The following GLIS1 variants were observed in gnomAD, a reference collection of about 807,000 sequenced individuals.
The protein encoded by GLIS1 is GLIS family zinc finger 1, also known as zinc finger protein GLIS1.
A neutral mutation model predicts 63.8 loss-of-function variants in GLIS1; 24 were observed. The ratio of observed to expected loss-of-function variants is 0.38; its 90% CI spans 0.27 to 0.53. GLIS1 has a LOEUF of 0.53. Ranked by LOEUF, GLIS1 falls within the 20% of genes least tolerant of loss-of-function variation. GLIS1 has a pLI of 0.85. For synonymous variants in GLIS1, 450 were observed against 482.5 expected (o/e 0.93, Z 0.88); for missense variants, 1,036 against 1,074.1 (o/e 0.96, Z 0.50).
At chr1:53,649,353 A>G (rs1370479510) in intron 2 of GLIS1, among the ~76,000 whole-genome samples, 1 of 152,242 alleles carries the variant, frequency 6.6e-6, no homozygotes, top group African/African-American at 2.4e-5. Flanking sequence ...CAGCTATGTC[A>G]TAGCCACCTC....
chr1:53,514,486 G>A, intron 8 of GLIS1, 139 bp downstream of exon 8: 3 of 806,002 alleles, frequency 3.7e-6, no homozygotes, highest in East Asian at 5.5e-5. Flanking sequence ...AATGCAGTCT[G>A]CAGTCAGTGT....
Position 53,560,611 on chromosome 1 carries a change from C to T in GLIS1, c.1321-30659G>A, listed in dbSNP as rs1306790706. ...ACAGGCCCCTATTTGGCTGGTGGAC[C>T]CCAGGTCCTGTTGGCATCACTGGCT... On this transcript the variant is annotated intron_variant, in intron 4 of 10. Transcript: ENST00000628545. This position sits in a 1 kb window ranked among gnomAD's most constrained non-coding sequence, Gnocchi z 4.4. Among the ~76,000 whole-genome samples, 1 of 152,306 alleles carries T rather than the reference C, an allele frequency of 6.6e-6. No homozygotes were observed. Among genetic ancestry groups the T allele is most frequent in the East Asian group, 1.9e-4 (1 of 5,190 alleles).
At chr1:53,523,330 C>A (rs985265996) in intron 6 of GLIS1, among the ~76,000 whole-genome samples, 1 of 152,084 alleles carries the variant, frequency 6.6e-6, no homozygotes, top group African/African-American at 2.4e-5. Flanking sequence ...CCAAGCCTGG[C>A]GGTCCCCTCC....
intron 10 of GLIS1, 63 bp from the exon 11 acceptor site, chr1:53,506,839 C>T: frequency 1.3e-6 from 2 of 1,511,452 alleles, no homozygotes; most frequent in Non-Finnish European, 1.8e-6. Flanking sequence ...CGCATGCTTC[C>T]CAGTTCCAGG....
At chr1:53,604,949 TATATATACACAC>T (rs1159982560) in intron 2 of GLIS1, among the ~76,000 whole-genome samples, 67 of 66,362 alleles carry the variant, frequency 1.0e-3, no homozygotes, top group South Asian at 4.8e-3. Flanking sequence ...TATACATATA[TATATATACACAC>T]ACACACACAC....
chr1:53,513,456 G>C (rs1385553876), intron 8 of GLIS1, among the ~76,000 whole-genome samples: 1 of 152,136 alleles, frequency 6.6e-6, no homozygotes, highest in East Asian at 1.9e-4. Flanking sequence ...ATGTTTCCCA[G>C]AACACCCCAA....
chr1:53,507,701 A>C (rs541807619), intron 10 of GLIS1, among the ~76,000 whole-genome samples: 1 of 152,070 alleles, frequency 6.6e-6, no homozygotes, highest in African/African-American at 2.4e-5. Context: ...AAGGCAGCTG[A>C]GCGGGCCTGG....
intron 2 of GLIS1, among the ~76,000 whole-genome samples, chr1:53,620,215 C>T (rs983398448): frequency 6.6e-6 from 1 of 152,216 alleles, no homozygotes; most frequent in African/African-American, 2.4e-5. Flanking sequence ...CAGCACTTCA[C>T]GTTTACACAG....
chr1:53,527,918 GT>G (rs1323646018), intron 5 of GLIS1, among the ~76,000 whole-genome samples: 3 of 152,354 alleles, frequency 2.0e-5, no homozygotes, highest in African/African-American at 7.2e-5. Flanking sequence ...CACACACCAA[GT>G]GGGGGCCAGA....
chr1:53,509,192 C>A lies in GLIS1; in HGVS notation c.2158G>T (p.Gly720Trp). 1.9e-6 allele frequency: 3 copies of A among 1,600,112 alleles called. No homozygotes were observed. The highest frequency in any genetic ancestry group is 2.6e-6 in the Non-Finnish European group (3 of 1,174,032). Residue 720 changes from glycine to tryptophan, a missense_variant, in exon 10 of 11, where the codon GGG becomes TGG. By Grantham distance (184) the Gly-to-Trp change is radical. Transcript: ENST00000628545. ...EPAAGGDGLVGETHGFNPLRP... is the reference protein window; with the variant it reads ...EPAAGGDGLVWETHGFNPLRP... Reference sequence around the variant, plus strand: ...AGGGGGTTGAAACCGTGGGTCTCCCCGACCAGTCCGTCCCCACCGGCTGCT... The same window carrying A: ...AGGGGGTTGAAACCGTGGGTCTCCCAGACCAGTCCGTCCCCACCGGCTGCT...
chr1:53,613,184 T>G (rs796526237), intron 2 of GLIS1, among the ~76,000 whole-genome samples: 4 of 152,346 alleles, frequency 2.6e-5, no homozygotes, highest in African/African-American at 9.6e-5. Context: ...ACAAGCTAAT[T>G]TGCTATAGCA....
At chr1:53,562,965 G>A (rs553324717) in intron 4 of GLIS1, among the ~76,000 whole-genome samples, 65 of 152,230 alleles carry the variant, frequency 4.3e-4, no homozygotes, top group Non-Finnish European at 7.3e-4. Context: ...TGAGGAAACG[G>A]AGGTTGTGCT....
At chr1:53,721,198 T>G (rs1646750693) in intron 2 of GLIS1, among the ~76,000 whole-genome samples, 1 of 152,056 alleles carries the variant, frequency 6.6e-6, no homozygotes, top group Admixed American at 6.6e-5. Flanking sequence ...AGGAAGCCAG[T>G]AGACAGTAAG....
intron 2 of GLIS1, among the ~76,000 whole-genome samples, chr1:53,732,509 T>C (rs1646872991): frequency 6.6e-6 from 1 of 151,990 alleles, no homozygotes. Flanking sequence ...ATTTGGGCAG[T>C]GGCTGCTGAT....
intron 2 of GLIS1, among the ~76,000 whole-genome samples, chr1:53,666,203 A>G (rs1241503244): frequency 6.6e-6 from 1 of 152,158 alleles, no homozygotes; most frequent in Admixed American, 6.5e-5. Context: ...TCACCTGTTA[A>G]CTGAGCACCT....
Position 53,594,199 on chromosome 1 carries a change from C to A in GLIS1, c.1229G>T (p.Gly410Val). ...GAAGGGCTTGTAGCGGCGCACGCAG[C>A]CAGCCCAGAAGCAGGTGAAGTCCTC... ...KGEDFTCFWAGCVRRYKPFNA... is the reference protein window; with the variant it reads ...KGEDFTCFWAVCVRRYKPFNA... Residue 410 changes from glycine to valine, a missense_variant, in exon 4 of 11, where the codon GGC (glycine) becomes GTC (valine). By Grantham distance (109) the Gly-to-Val change is moderately radical. Coordinates refer to ENST00000628545, the MANE Select transcript of GLIS1 (RefSeq NM_001367484.1). 6.2e-7 allele frequency: 1 copy of A among 1,613,988 alleles called. No individual in the cohort carries two copies. The highest frequency in any genetic ancestry group is 8.5e-7 in the Non-Finnish European group (1 of 1,179,980).
At chr1:53,735,471 G>C (rs1262763774) in intron 2 of GLIS1, among the ~76,000 whole-genome samples, 1 of 152,216 alleles carries the variant, frequency 6.6e-6, no homozygotes, top group East Asian at 1.9e-4. Flanking sequence ...GGTTACAGTA[G>C]TAATCCTAAA....
At chr1:53,655,566 C>A (rs1645956371) in intron 2 of GLIS1, among the ~76,000 whole-genome samples, 1 of 152,162 alleles carries the variant, frequency 6.6e-6, no homozygotes, top group Non-Finnish European at 1.5e-5. Flanking sequence ...GGAGGCTCAT[C>A]ACCATTATTA....
Position 53,646,678 on chromosome 1 carries a change from C to G in GLIS1, c.260-46400G>C, listed in dbSNP as rs982546558. Among the ~76,000 whole-genome samples the G allele has an allele frequency of 6.6e-6, 1 of 151,958 alleles. No homozygotes were observed. The highest frequency in any genetic ancestry group is 6.6e-5 in the Admixed American group (1 of 15,246). ...TACAAAACTTAGCCAGGTGTGGTGGCGCACATCTGTGGTCCCAGCTACTTG... is the reference window on the plus strand; with the variant it reads ...TACAAAACTTAGCCAGGTGTGGTGGGGCACATCTGTGGTCCCAGCTACTTG... On this transcript the variant is annotated intron_variant, in intron 2 of 10. Transcript: ENST00000628545. The surrounding 1 kb of genome is among the most constrained non-coding windows in gnomAD (Gnocchi z 4.2).
Sources: gnomAD v4.1 joint callset for allele counts (sites outside exome capture counted in the v4.1 genomes callset) on GRCh38, gnomAD v4.1.1 for gene constraint, Gnocchi (gnomAD v3.1) non-coding constraint, MANE v1.5 for transcripts, NCBI Gene and HGNC (gene_info 2026-07-23, HGNC 2026-07-21) for gene names.